CCDC91: variants seen among roughly 807,000 people sequenced by gnomAD.
The protein encoded by CCDC91 is coiled-coil domain-containing protein 91.
CCDC91 carries 48 observed loss-of-function variants against 63.2 expected under a neutral mutation model. The observed-to-expected ratio is 0.76, with a 90% CI of 0.60 to 0.97. CCDC91 has a LOEUF of 0.97. Among genes scored for constraint, CCDC91 ranks in the 50% least tolerant of loss-of-function variants. The probability of loss-of-function intolerance (pLI) is 0.00; values close to 1 mark genes in which losing one functional copy is unlikely to be tolerated. For synonymous variants in CCDC91, 167 were observed against 165.8 expected (o/e 1.01, Z -0.06); for missense variants, 500 against 494.6 (o/e 1.01, Z -0.10).
chr12:28,358,000 G>A (rs1943630733), intron 6 of CCDC91, among the ~76,000 whole-genome samples: 1 of 152,090 alleles, frequency 6.6e-6, no homozygotes, highest in South Asian at 2.1e-4. Context: ...TATTCCTGTG[G>A]ACAGACTGTT....
chr12:28,365,610 T>A (rs560707840), intron 7 of CCDC91, among the ~76,000 whole-genome samples: 5 of 152,342 alleles, frequency 3.3e-5, no homozygotes, highest in African/African-American at 1.2e-4. Context: ...CATTTCTTAA[T>A]TCAACAAAGA....
chr12:28,272,640 G>A (rs558136608), intron 3 of CCDC91, among the ~76,000 whole-genome samples: 1 of 151,518 alleles, frequency 6.6e-6, no homozygotes, highest in Non-Finnish European at 1.5e-5. Flanking sequence ...GCTATTTGAT[G>A]CCGTAATGCT....
intron 12 of CCDC91, among the ~76,000 whole-genome samples, chr12:28,548,100 A>C (rs1184994909): frequency 4.6e-5 from 7 of 152,100 alleles, no homozygotes; most frequent in South Asian, 2.1e-4. Flanking sequence ...AATGTTTACC[A>C]TCCAGAGAGT....
chr12:28,383,530 A>G (rs1945420182), intron 7 of CCDC91, among the ~76,000 whole-genome samples: 1 of 152,122 alleles, frequency 6.6e-6, no homozygotes, highest in East Asian at 1.9e-4. Context: ...TTTACTCTTG[A>G]GAAACATGTA....
At chr12:28,240,893 A>G (rs1268604822) in intron 1 of CCDC91, among the ~76,000 whole-genome samples, 1 of 152,142 alleles carries the variant, frequency 6.6e-6, no homozygotes. Flanking sequence ...TAGGAGTACA[A>G]TTGCTTGCCC....
intron 8 of CCDC91, among the ~76,000 whole-genome samples, chr12:28,439,715 TTTTTTTCTTTC>T (rs1949083392): frequency 1.3e-5 from 2 of 149,430 alleles, no homozygotes; most frequent in South Asian, 2.1e-4. Context: ...GAAGAGGTTT[TTTTTTTCTTTC>T]TTTTTTCTTT....
chr12:28,450,831 C>T (rs925100156), intron 10 of CCDC91, among the ~76,000 whole-genome samples: 16 of 151,770 alleles, frequency 1.1e-4, no homozygotes, highest in African/African-American at 3.9e-4. Flanking sequence ...ACACTTTTAA[C>T]ACTTACTTTT....
intron 8 of CCDC91, among the ~76,000 whole-genome samples, chr12:28,415,101 A>G (rs758442698): frequency 6.6e-6 from 1 of 152,160 alleles, no homozygotes; most frequent in African/African-American, 2.4e-5. Flanking sequence ...AAGGTATTCA[A>G]GTTATTTTGT....
At chr12:28,425,254 G>A (rs1460608153) in intron 8 of CCDC91, among the ~76,000 whole-genome samples, 1 of 152,006 alleles carries the variant, frequency 6.6e-6, no homozygotes, top group Non-Finnish European at 1.5e-5. Context: ...TTTTCCCCTA[G>A]TTCTCTTTAT....
chr12:28,316,250 G>A (rs1228857199), intron 6 of CCDC91, among the ~76,000 whole-genome samples: 2 of 151,724 alleles, frequency 1.3e-5, no homozygotes, highest in African/African-American at 4.8e-5. Flanking sequence ...TTATTTGTAT[G>A]TTGGATAGTC....
intron 12 of CCDC91, among the ~76,000 whole-genome samples, chr12:28,518,154 G>C (rs1355139670): frequency 6.6e-6 from 1 of 151,954 alleles, no homozygotes; most frequent in Non-Finnish European, 1.5e-5. Context: ...ATACCCAGTA[G>C]TGGGATTGCT....
At chr12:28,329,160 G>C (rs1455024568) in intron 6 of CCDC91, among the ~76,000 whole-genome samples, 1 of 152,114 alleles carries the variant, frequency 6.6e-6, no homozygotes, top group Non-Finnish European at 1.5e-5. Flanking sequence ...TCACTTGCCT[G>C]TTATGCAAAT....
chr12:28,453,582 AAAATT>A (rs1355434806), intron 11 of CCDC91, among the ~76,000 whole-genome samples: 1 of 152,116 alleles, frequency 6.6e-6, no homozygotes, highest in Non-Finnish European at 1.5e-5. Context: ...ATTTATTACA[AAAATT>A]AAACAGATCT....
At chr12:28,464,870 G>A (rs1411650582) in intron 11 of CCDC91, among the ~76,000 whole-genome samples, 1 of 152,122 alleles carries the variant, frequency 6.6e-6, no homozygotes, top group Non-Finnish European at 1.5e-5. Context: ...GTGGGGTAGA[G>A]CACCAAGTAG....
At chr12:28,290,543 A>G (rs1196159732) in intron 3 of CCDC91, among the ~76,000 whole-genome samples, 1 of 152,208 alleles carries the variant, frequency 6.6e-6, no homozygotes, top group South Asian at 2.1e-4. Context: ...TGATTCTGTC[A>G]TCATGATGTT....
chr12:28,294,173 A>G (rs527673485), intron 3 of CCDC91, among the ~76,000 whole-genome samples: 38 of 152,224 alleles, frequency 2.5e-4, no homozygotes, highest in Non-Finnish European at 4.9e-4. Context: ...TGACACACAC[A>G]CAAAAATACT....
At chr12:28,254,729 C>T (rs781688689) in intron 1 of CCDC91, among the ~76,000 whole-genome samples, 12 of 148,324 alleles carry the variant, frequency 8.1e-5, no homozygotes, top group African/African-American at 2.7e-4. Flanking sequence ...TTTTTTTAAA[C>T]GTATTAATAT....
At chr12:28,372,109 T>A (rs1944658662) in intron 7 of CCDC91, among the ~76,000 whole-genome samples, 1 of 152,140 alleles carries the variant, frequency 6.6e-6, no homozygotes, top group South Asian at 2.1e-4. Context: ...TTTCCTCAAT[T>A]TATGTTTTTG....
At chr12:28,423,584 A>G (rs1338171107) in intron 8 of CCDC91, among the ~76,000 whole-genome samples, 1 of 150,476 alleles carries the variant, frequency 6.6e-6, no homozygotes, top group Non-Finnish European at 1.5e-5. Flanking sequence ...ACATAAGGTC[A>G]TATTTAAAGT....
Sources: allele counts gnomAD v4.1 joint callset (sites outside exome capture counted in the v4.1 genomes callset), GRCh38; gene constraint gnomAD v4.1.1; transcripts MANE v1.5; gene names NCBI Gene and HGNC (gene_info 2026-07-23, HGNC 2026-07-21).